PTPRD: variants seen among roughly 807,000 people sequenced by gnomAD.
The protein encoded by PTPRD is protein tyrosine phosphatase receptor type D.
Under a neutral mutation model 214.5 loss-of-function variants are expected in PTPRD, and 34 were observed. That is an observed-to-expected ratio of 0.16 (90% CI 0.12 to 0.21). The LOEUF (loss-of-function observed/expected upper bound fraction) is 0.21, where lower values mean the gene tolerates loss of function less well. Among genes scored for constraint, PTPRD ranks in the 10% least tolerant of loss-of-function variants. The pLI is 1.00. For missense variants in PTPRD, 2,545 were observed against 2,398.7 expected (o/e 1.06, Z -1.27); for synonymous variants, 1,128 against 845.7 (o/e 1.33, Z -5.79).
intron 9 of PTPRD, among the ~76,000 whole-genome samples, chr9:9,184,038 A>T (rs2099929881): frequency 6.6e-6 from 1 of 152,018 alleles, no homozygotes; most frequent in Non-Finnish European, 1.5e-5. Flanking sequence ...TGTTTTCACA[A>T]TTGCTTTATT....
At chr9:10,129,515 T>C (rs2098843567) in intron 3 of PTPRD, among the ~76,000 whole-genome samples, 1 of 147,202 alleles carries the variant, frequency 6.8e-6, no homozygotes, top group Admixed American at 6.9e-5. Flanking sequence ...TTTTTTTTTT[T>C]TCTCACTTAT....
chr9:9,253,964 A>G (rs765364142), intron 9 of PTPRD, among the ~76,000 whole-genome samples: 2 of 152,072 alleles, frequency 1.3e-5, no homozygotes, highest in African/African-American at 4.8e-5. Context: ...TTCTGGCCAC[A>G]TCACTCCAGT....
chr9:9,285,307 G>A (rs187565109), intron 9 of PTPRD, among the ~76,000 whole-genome samples: 4 of 151,576 alleles, frequency 2.6e-5, no homozygotes, highest in Admixed American at 2.0e-4. Context: ...CTCACACATT[G>A]CTCCATCACA....
chr9:10,378,588 T>C (rs2097769895), intron 2 of PTPRD, among the ~76,000 whole-genome samples: 1 of 152,034 alleles, frequency 6.6e-6, no homozygotes, highest in South Asian at 2.1e-4. Flanking sequence ...TTCCCCTCAG[T>C]ATGTTATTGG....
intron 8 of PTPRD, among the ~76,000 whole-genome samples, chr9:9,424,391 G>T (rs1445617660): frequency 2.0e-5 from 3 of 152,178 alleles, no homozygotes; most frequent in Non-Finnish European, 4.4e-5. Context: ...CTACCAGCTG[G>T]CTGGCAACGG....
chr9:8,787,646 G>A (rs1045355186), intron 11 of PTPRD, among the ~76,000 whole-genome samples: 2 of 152,328 alleles, frequency 1.3e-5, no homozygotes, highest in South Asian at 2.1e-4. Context: ...CGGAGCAGGA[G>A]AGAAGATTAG....
chr9:9,161,937 G>C (rs1389262579), intron 10 of PTPRD, among the ~76,000 whole-genome samples: 1 of 151,652 alleles, frequency 6.6e-6, no homozygotes, highest in African/African-American at 2.4e-5. Flanking sequence ...TTAATATATA[G>C]TACAGCCTTC....
intron 5 of PTPRD, among the ~76,000 whole-genome samples, chr9:9,911,777 C>A (rs1314530990): frequency 2.6e-5 from 4 of 151,950 alleles, no homozygotes; most frequent in Admixed American, 2.6e-4. Context: ...TTTTCAGGAT[C>A]ATAAATAAGA....
At chr9:9,920,620 T>C (rs191048957) in intron 5 of PTPRD, among the ~76,000 whole-genome samples, 1 of 152,258 alleles carries the variant, frequency 6.6e-6, no homozygotes, top group African/African-American at 2.4e-5. Context: ...TGGTAGCCCC[T>C]AGTGGTAGAA....
In PTPRD at chr9:9,900,641, G is replaced by GTTTTTTTTTTTGTTTTGT. The variant is rs367877727; in HGVS notation, c.-368+37865_-368+37866insACAAAACAAAAAAAAAAA. ...TCCAAAGGTGCTTCCACATTTTCAGGTTTTTTTTTTTTTTGAGATGGAGTC... is the reference window on the plus strand; with the variant it reads ...TCCAAAGGTGCTTCCACATTTTCAGGTTTTTTTTTTTGTTTTGTTTTTTTTTTTTTTTGAGATGGAGTC... On this transcript the variant is annotated intron_variant, in intron 5 of 45. Transcript: ENST00000381196. 6.6e-4 allele frequency among the ~76,000 whole-genome samples: 79 copies of GTTTTTTTTTTTGTTTTGT among 120,106 alleles called. 3 individuals are homozygous for GTTTTTTTTTTTGTTTTGT. Among genetic ancestry groups the GTTTTTTTTTTTGTTTTGT allele is most frequent in the African/African-American group, 2.3e-3 (73 of 32,096 alleles). 78.8% of individuals were successfully genotyped at this position (120,106 alleles called of 152,430 possible). A position where few individuals can be genotyped will look rare whatever the true frequency, so the allele number is the denominator to read the frequency against.
intron 5 of PTPRD, among the ~76,000 whole-genome samples, chr9:9,771,316 G>A (rs183348627): frequency 4.7e-4 from 71 of 152,210 alleles, no homozygotes; most frequent in Non-Finnish European, 4.9e-4. Flanking sequence ...ATAAGTGTGT[G>A]TATATATAAG....
At chr9:10,214,625 G>A (rs1288126943) in intron 3 of PTPRD, among the ~76,000 whole-genome samples, 2 of 151,934 alleles carry the variant, frequency 1.3e-5, no homozygotes, top group East Asian at 1.9e-4. Flanking sequence ...GAAATTGGCT[G>A]TAGGTGTTGC....
chr9:10,190,139 G>T (rs1405289208), intron 3 of PTPRD, among the ~76,000 whole-genome samples: 1 of 151,888 alleles, frequency 6.6e-6, no homozygotes, highest in Non-Finnish European at 1.5e-5. Flanking sequence ...GGCTGAGGGG[G>T]GTGGATCACC....
chr9:9,887,931 T>C (rs1448886427), intron 5 of PTPRD, among the ~76,000 whole-genome samples: 4 of 152,032 alleles, frequency 2.6e-5, no homozygotes, highest in East Asian at 1.9e-4. Context: ...AGGGAGATAA[T>C]ACACTCACAT....
chr9:9,876,599 C>T lies in PTPRD; in HGVS notation c.-368+61908G>A, dbSNP rs150898537. The stretch of plus-strand genomic sequence containing the variant: ...TATGAGATCATTACATTTCTTAATG[C>T]TCATTATATGAGAATTAGTGCAGTG... On this transcript the variant is annotated intron_variant, in intron 5 of 45. Transcript: ENST00000381196. 2.1e-3 allele frequency among the ~76,000 whole-genome samples: 317 copies of T among 152,264 alleles called. 1 individual carries two copies. The highest frequency in any genetic ancestry group is 4.0e-3 in the Non-Finnish European group (269 of 68,004).
intron 12 of PTPRD, among the ~76,000 whole-genome samples, chr9:8,703,316 T>G (rs1209196170): frequency 1.3e-5 from 2 of 152,214 alleles, no homozygotes; most frequent in East Asian, 3.9e-4. Flanking sequence ...TAAAAAATAT[T>G]CTGCTTTGAA....
intron 41 of PTPRD, 67 bp from the exon 42 acceptor site, chr9:8,340,536 T>C (rs2132380401): frequency 1.4e-6 from 2 of 1,410,962 alleles, no homozygotes; most frequent in Non-Finnish European, 1.9e-6. Flanking sequence ...TCACACTGGA[T>C]ACATAAACAT....
At chr9:9,003,707 G>A (rs1345467783) in intron 11 of PTPRD, among the ~76,000 whole-genome samples, 1 of 152,024 alleles carries the variant, frequency 6.6e-6, no homozygotes, top group Non-Finnish European at 1.5e-5. Flanking sequence ...CTTACTTGCT[G>A]CTTCAAATCT....
chr9:8,453,555 G>C (rs1038432289), intron 33 of PTPRD, among the ~76,000 whole-genome samples: 2 of 152,186 alleles, frequency 1.3e-5, no homozygotes, highest in African/African-American at 4.8e-5. Context: ...TTTTCTGCTG[G>C]ACAAATGGAT....
Sources: gnomAD v4.1 joint callset for allele counts (sites outside exome capture counted in the v4.1 genomes callset) on GRCh38, gnomAD v4.1.1 for gene constraint, MANE v1.5 for transcripts, NCBI Gene and HGNC (gene_info 2026-07-23, HGNC 2026-07-21) for gene names.